The following RALGAPB variants were observed in gnomAD, a reference collection of about 807,000 sequenced individuals.
RALGAPB encodes the protein Ral GTPase activating protein non-catalytic subunit beta.
In RALGAPB, 25 loss-of-function variants were observed where a neutral mutation model predicts 161.1. That is an observed-to-expected ratio of 0.16 (90% CI 0.11 to 0.22). The LOEUF (loss-of-function observed/expected upper bound fraction) is 0.22, where lower values mean the gene tolerates loss of function less well. Ranked by LOEUF, RALGAPB falls within the 10% of genes least tolerant of loss-of-function variation. RALGAPB has a pLI of 1.00. For missense variants in RALGAPB, 1,391 were observed against 1,815.2 expected (o/e 0.77, Z 4.25); for synonymous variants, 629 against 626.1 (o/e 1.00, Z -0.07).
At chr20:38,558,766 C>T (rs896547937) in intron 23 of RALGAPB, among the ~76,000 whole-genome samples, 8 of 152,116 alleles carry the variant, frequency 5.3e-5, no homozygotes, top group African/African-American at 1.9e-4. Context: ...TGGTGTCCAG[C>T]ACTGTTAGAT....
chr20:38,495,026 A>T (rs193068001), intron 3 of RALGAPB, among the ~76,000 whole-genome samples: 1 of 152,362 alleles, frequency 6.6e-6, no homozygotes, highest in East Asian at 1.9e-4. Flanking sequence ...GAGGGTACTC[A>T]ACTGAGAATT....
intron 1 of RALGAPB, among the ~76,000 whole-genome samples, chr20:38,481,364 A>C (rs1169118016): frequency 6.6e-6 from 1 of 152,230 alleles, no homozygotes; most frequent in Non-Finnish European, 1.5e-5. Context: ...CAAAAGAAAG[A>C]GGTTTAATGG....
At chr20:38,524,744 C>T (rs1242950544) in intron 10 of RALGAPB, 34 bp from the exon 11 acceptor site, 1 of 1,493,568 alleles carries the variant, frequency 6.7e-7, no homozygotes, top group Non-Finnish European at 9.3e-7. Flanking sequence ...TTTTGATCAG[C>T]AGTTTGTTTA....
Position 38,491,324 on chromosome 20 carries a change from A to T in RALGAPB, c.187-1606A>T, listed in dbSNP as rs188618221. 4.6e-3 allele frequency among the ~76,000 whole-genome samples: 681 copies of T among 149,668 alleles called. 4 individuals carry two copies. The highest frequency in any genetic ancestry group is 0.016 in the African/African-American group (664 of 40,790). On this transcript the variant is annotated intron_variant, in intron 2 of 29. Transcript: ENST00000262879. ...TGGTATCTACAGATGATCAGCATAC[A>T]CTGTTTTTCTTTTTTTTTTTCCCCT... is the stretch of plus-strand genomic sequence containing the variant.
chr20:38,566,471 G>T (rs536193331), intron 25 of RALGAPB, among the ~76,000 whole-genome samples: 85 of 152,272 alleles, frequency 5.6e-4, no homozygotes, highest in Admixed American at 5.5e-3. Flanking sequence ...TTATTCTATA[G>T]CTCCTGCAAT....
At chr20:38,539,994 C>A (rs1261311286) in intron 17 of RALGAPB, 36 bp downstream of exon 17, 1 of 1,561,632 alleles carries the variant, frequency 6.4e-7, no homozygotes, top group Admixed American at 1.8e-5. Context: ...TAAGTAAAAA[C>A]AAAAATGTAT....
At chr20:38,481,065 T>C (rs147104390) in intron 1 of RALGAPB, among the ~76,000 whole-genome samples, 3 of 152,168 alleles carry the variant, frequency 2.0e-5, no homozygotes, top group Non-Finnish European at 4.4e-5. Context: ...CTCAGTCTTA[T>C]CACCTCAATT....
intron 1 of RALGAPB, among the ~76,000 whole-genome samples, chr20:38,475,640 A>T (rs1171590765): frequency 6.8e-6 from 1 of 147,000 alleles, no homozygotes; most frequent in Non-Finnish European, 1.5e-5. Flanking sequence ...TTTGAGATGC[A>T]GTCTCGCTCT....
intron 10 of RALGAPB, among the ~76,000 whole-genome samples, chr20:38,522,758 G>A (rs1333556701): frequency 6.6e-6 from 1 of 152,178 alleles, no homozygotes; most frequent in Non-Finnish European, 1.5e-5. Flanking sequence ...CTTGGTTTAA[G>A]CAACAGAAAC....
chr20:38,502,763 C>T (rs530269396), intron 5 of RALGAPB, among the ~76,000 whole-genome samples: 1 of 152,182 alleles, frequency 6.6e-6, no homozygotes. Flanking sequence ...CCACCATGCC[C>T]AGCTAATTTT....
intron 3 of RALGAPB, among the ~76,000 whole-genome samples, chr20:38,495,671 A>G (rs1290357775): frequency 6.6e-6 from 1 of 152,216 alleles, no homozygotes; most frequent in African/African-American, 2.4e-5. Flanking sequence ...TTTTTCTGAA[A>G]ATCACAAGTT....
At chr20:38,563,511 G>A in intron 24 of RALGAPB, among the ~76,000 whole-genome samples, 1 of 152,170 alleles carries the variant, frequency 6.6e-6, no homozygotes, top group East Asian at 1.9e-4. Flanking sequence ...ACTGTAATCA[G>A]GATAACAAGT....
At chr20:38,511,558 C>T (rs892221517) in intron 6 of RALGAPB, among the ~76,000 whole-genome samples, 3 of 152,034 alleles carry the variant, frequency 2.0e-5, no homozygotes, top group African/African-American at 7.3e-5. Flanking sequence ...TGCCTTCAAG[C>T]ATCTGTTTAA....
rs1353962794 is a variant in RALGAPB at position 38,567,128 on chromosome 20, G to T, written c.3850G>T (p.Asp1284Tyr). The T allele has an allele frequency of 6.2e-7, 1 of 1,613,606 alleles. No homozygotes were observed. The highest frequency in any genetic ancestry group is 8.5e-7 in the Non-Finnish European group (1 of 1,179,652). The change falls in exon 26 of 30, where the codon GAT becomes TAT. Residue 1284 changes from aspartate to tyrosine, a missense_variant. Coordinates refer to ENST00000262879, the MANE Select transcript of RALGAPB (RefSeq NM_020336.4). ...ATTGGAAAGTAACATCTCGGACCAA[G>T]ATAGTGATTCAAATATGGATCTTAT... ...DSLESNISDQ[D>Y]SDSNMDLMPG...
chr20:38,497,099 T>C (rs1600857206), intron 3 of RALGAPB, among the ~76,000 whole-genome samples: 1 of 152,240 alleles, frequency 6.6e-6, no homozygotes. Context: ...GTGAAGTTTA[T>C]GTTCTAGTAT....
At chr20:38,567,685 G>A (rs1245224403) in intron 26 of RALGAPB, among the ~76,000 whole-genome samples, 1 of 152,148 alleles carries the variant, frequency 6.6e-6, no homozygotes, top group East Asian at 1.9e-4. Context: ...TACAAGAGGA[G>A]CTTTTTGCTT....
intron 28 of RALGAPB, among the ~76,000 whole-genome samples, chr20:38,571,649 G>A (rs2088244928): frequency 6.6e-6 from 1 of 152,194 alleles, no homozygotes; most frequent in Non-Finnish European, 1.5e-5. Context: ...CTATTGTGAA[G>A]AATGCTGCAG....
chr20:38,566,626 C>G (rs751917084), intron 25 of RALGAPB, among the ~76,000 whole-genome samples: 1 of 152,198 alleles, frequency 6.6e-6, no homozygotes, highest in Non-Finnish European at 1.5e-5. Context: ...CCAGATTGCT[C>G]TTAATCACAG....
At chr20:38,527,446 C>T (rs1300947268) in intron 13 of RALGAPB, among the ~76,000 whole-genome samples, 2 of 152,120 alleles carry the variant, frequency 1.3e-5, no homozygotes, top group Admixed American at 1.3e-4. Context: ...TTTAGGGTTT[C>T]GTAAGTCTCA....
Sources: gnomAD v4.1 joint callset for allele counts (sites outside exome capture counted in the v4.1 genomes callset) on GRCh38, gnomAD v4.1.1 for gene constraint, MANE v1.5 for transcripts, NCBI Gene and HGNC (gene_info 2026-07-23, HGNC 2026-07-21) for gene names.